INTS6: variants seen among roughly 807,000 people sequenced by gnomAD.
INTS6 encodes DEAD box protein.
Under a neutral mutation model 104.9 loss-of-function variants are expected in INTS6, and 16 were observed. The ratio of observed to expected loss-of-function variants is 0.15; its 90% CI spans 0.10 to 0.23. INTS6 has a LOEUF of 0.23. Among genes scored for constraint, INTS6 ranks in the 10% least tolerant of loss-of-function variants. INTS6 has a pLI of 1.00. For synonymous variants in INTS6, 324 were observed against 358.7 expected, an observed-to-expected ratio of 0.90 and a Z score of 1.09; for missense variants, 584 against 1,062.8, an observed-to-expected ratio of 0.55 and a Z score of 6.26.
intron 3 of INTS6, chr13:51,446,219 A>T (rs954681751): frequency 6.6e-6 from 1 of 152,238 alleles, no homozygotes; most frequent in African/African-American, 2.4e-5. Context: ...AAAGCTCAAC[A>T]ACAAAAAACA....
At chr13:51,341,036 C>T in the INTS6 span, 2 of 1,584,378 alleles carry the variant, frequency 1.3e-6, no homozygotes, top group African/African-American at 2.7e-5. Context: ...TCATCACCAG[C>T]TTCCAGCCTA....
intron 3 of INTS6, chr13:51,450,722 G>A (rs111598527): frequency 1.9e-6 from 2 of 1,027,490 alleles, no homozygotes; most frequent in African/African-American, 3.4e-5. Context: ...GTGTGGTGTG[G>A]TAGGATGCTT....
chr13:51,407,502 TAAC>T (rs1956591760), intron 4 of INTS6, among the ~76,000 whole-genome samples: 1 of 151,992 alleles, frequency 6.6e-6, no homozygotes, highest in Admixed American at 6.5e-5. Context: ...GGATGATTGA[TAAC>T]AAAAATAATA....
chr13:51,447,420 G>A (rs774716767), intron 3 of INTS6: 1 of 152,052 alleles, frequency 6.6e-6, no homozygotes, highest in Non-Finnish European at 1.5e-5. Context: ...AATAAAATTG[G>A]TTAAAATTCT....
At chr13:51,383,214 A>T in intron 9 of INTS6, 115 bp downstream of exon 9, 1 of 856,904 alleles carries the variant, frequency 1.2e-6, no homozygotes, top group African/African-American at 1.7e-5. Flanking sequence ...TCAACATTTT[A>T]GAATATTCAA....
chr13:51,359,125 A>G (rs1955523304), downstream of INTS6, among the ~76,000 whole-genome samples: 1 of 152,090 alleles, frequency 6.6e-6, no homozygotes, highest in Non-Finnish European at 1.5e-5. Flanking sequence ...CTTTTGGGAA[A>G]ATAGGGCGTA....
chr13:51,422,775 C>T (rs1956918775), intron 4 of INTS6, among the ~76,000 whole-genome samples: 1 of 152,062 alleles, frequency 6.6e-6, no homozygotes, highest in African/African-American at 2.4e-5. Context: ...TATTACCTGC[C>T]CTCTACCTAC....
intron 5 of INTS6, 54 bp from the exon 6 acceptor site, chr13:51,389,498 G>T: frequency 6.8e-7 from 1 of 1,470,486 alleles, no homozygotes; most frequent in Non-Finnish European, 9.0e-7. Context: ...AAACTAGTTA[G>T]TTGCAAGAAT....
At chr13:51,374,856 T>C in intron 13 of INTS6, 60 bp from the exon 14 acceptor site, 1 of 1,554,534 alleles carries the variant, frequency 6.4e-7, no homozygotes, top group East Asian at 2.3e-5. Flanking sequence ...CAAATAATGT[T>C]TCCTTATATA....
rs1230618469 is a variant in INTS6, at chr13:51,452,154, G to C, written c.112-99C>G. 24 of 1,123,240 alleles carry C rather than the reference G, an allele frequency of 2.1e-5. No homozygotes were observed. The highest frequency in any genetic ancestry group is 5.8e-5 in the Admixed American group (3 of 51,582). 69.6% of individuals were successfully genotyped at this position (1,123,240 alleles called of 1,614,324 possible). On this transcript the variant is annotated intron_variant, in intron 1 of 17. Coordinates refer to ENST00000311234, the MANE Select transcript of INTS6 (RefSeq NM_012141.3). This position sits in a 1 kb window ranked among gnomAD's most constrained non-coding sequence, Gnocchi z 4.2. ...GCCCAGCGGCCCCGCCGCCCCCACA[G>C]TACCGCACACGCAGCGGCCACCCCT...
rs55785764 is a variant in INTS6, at chr13:51,404,293, T to TAA, written c.430-8812_430-8811dup. On this transcript the variant is annotated intron_variant, in intron 4 of 17. Coordinates refer to ENST00000311234, the MANE Select transcript of INTS6 (RefSeq NM_012141.3). Reference sequence around the variant, plus strand: ...CATCACAAAACAAACAAGCAAAAACTAAAAAAAAAAAAAAAACAAAACTGT... The same window carrying TAA: ...CATCACAAAACAAACAAGCAAAAACTAAAAAAAAAAAAAAAAAACAAAACTGT... Among the ~76,000 whole-genome samples, 88 of 106,596 alleles carry TAA rather than the reference T, an allele frequency of 8.3e-4. No homozygotes were observed. In the East Asian group the frequency reaches 0.014, roughly 16 times the overall value. 69.9% of individuals were successfully genotyped at this position (106,596 alleles called of 152,430 possible). A position where few individuals can be genotyped will look rare whatever the true frequency, so the allele number is the denominator to read the frequency against.
At chr13:51,421,219 T>C (rs1456078633) in intron 4 of INTS6, 1 of 985,612 alleles carries the variant, frequency 1.0e-6, no homozygotes, top group Non-Finnish European at 1.2e-6. Context: ...TGAAGTGACA[T>C]CCAGGATCAG....
intron 3 of INTS6, among the ~76,000 whole-genome samples, chr13:51,435,169 A>G (rs1262809652): frequency 6.6e-6 from 1 of 152,018 alleles, no homozygotes; most frequent in Non-Finnish European, 1.5e-5. Flanking sequence ...GCTACAACAA[A>G]GACAGCCAGT....
intron 4 of INTS6, among the ~76,000 whole-genome samples, chr13:51,429,722 C>T (rs1957050437): frequency 7.4e-6 from 1 of 134,734 alleles, no homozygotes; most frequent in Non-Finnish European, 1.5e-5. Context: ...CAAGATTGTG[C>T]CACTGCACTC....
chr13:51,378,498 T>A lies in INTS6; in HGVS notation c.1387-44A>T, dbSNP rs375680466. On this transcript the variant is annotated intron_variant, in intron 11 of 17. Transcript: ENST00000311234. The stretch of plus-strand genomic sequence containing the variant: ...AGAATTATCTTGATAAAATCTAAAT[T>A]AATAAATCAGATACTAATGGTTATG... 7.8e-6 allele frequency: 10 copies of A among 1,283,750 alleles called. No homozygotes were observed. The African/African-American group carries it at 1.5e-4, about 19-fold the overall frequency. 79.5% of individuals were successfully genotyped at this position (1,283,750 alleles called of 1,614,324 possible). A position where few individuals can be genotyped will look rare whatever the true frequency, so the allele number is the denominator to read the frequency against.
At chr13:51,427,639 C>T (rs1051813495) in intron 4 of INTS6, among the ~76,000 whole-genome samples, 2 of 152,060 alleles carry the variant, frequency 1.3e-5, no homozygotes, top group Non-Finnish European at 2.9e-5. Context: ...AACAACTCAC[C>T]GGCCTATGTT....
chr13:51,353,235 T>G (rs1432598331), downstream of INTS6, among the ~76,000 whole-genome samples: 1 of 152,238 alleles, frequency 6.6e-6, no homozygotes, highest in South Asian at 2.1e-4. Flanking sequence ...TATCCAGTTT[T>G]ATTACCCACC....
At chr13:51,393,151 C>T (rs1241110424) in intron 5 of INTS6, among the ~76,000 whole-genome samples, 1 of 150,128 alleles carries the variant, frequency 6.7e-6, no homozygotes, top group Non-Finnish European at 1.5e-5. Flanking sequence ...GATCTCAGCT[C>T]ACTGCAACTT....
intron 12 of INTS6, among the ~76,000 whole-genome samples, chr13:51,376,818 G>C (rs1181955140): frequency 1.3e-5 from 2 of 152,082 alleles, no homozygotes; most frequent in Non-Finnish European, 2.9e-5. Flanking sequence ...CAGAGTAGTA[G>C]TCTATTATAT....
Sources: gnomAD v4.1 joint callset for allele counts (sites outside exome capture counted in the v4.1 genomes callset) on GRCh38, gnomAD v4.1.1 for gene constraint, Gnocchi (gnomAD v3.1) non-coding constraint, MANE v1.5 for transcripts, NCBI Gene and HGNC (gene_info 2026-07-23, HGNC 2026-07-21) for gene names.